Variants in ANO3 observed in about 807,000 individuals in gnomAD.
The protein encoded by ANO3 is anoctamin 3, also known as anoctamin-3.
Under a neutral mutation model 144.8 loss-of-function variants are expected in ANO3, and 99 were observed. That is an observed-to-expected ratio of 0.68 (90% CI 0.58 to 0.81). The LOEUF is 0.81. Ranked by LOEUF, ANO3 falls within the 30% of genes least tolerant of loss-of-function variation. The pLI, the probability that ANO3 is intolerant of heterozygous loss-of-function variation, is 0.00. For synonymous variants in ANO3, 414 were observed against 392.6 expected, an observed-to-expected ratio of 1.05 and a Z score of -0.64; for missense variants, 905 against 1,202.2, an observed-to-expected ratio of 0.75 and a Z score of 3.66.
chr11:26,218,745 T>C (rs567888138), intron 1 of ANO3, among the ~76,000 whole-genome samples: 8 of 152,310 alleles, frequency 5.3e-5, no homozygotes, highest in Non-Finnish European at 1.0e-4. Context: ...TTGGTTTGTT[T>C]TTTGTTTTTT....
intron 17 of ANO3, among the ~76,000 whole-genome samples, chr11:26,608,154 T>C (rs1329393619): frequency 6.6e-6 from 1 of 152,188 alleles, no homozygotes; most frequent in African/African-American, 2.4e-5. Flanking sequence ...ACTGTCGTTC[T>C]TGCTTTCTGT....
chr11:26,233,493 G>A (rs1261738346), intron 1 of ANO3, among the ~76,000 whole-genome samples: 1 of 152,178 alleles, frequency 6.6e-6, no homozygotes, highest in Non-Finnish European at 1.5e-5. Flanking sequence ...CACTGTTGAT[G>A]TGAGTGTAAA....
intron 6 of ANO3, among the ~76,000 whole-genome samples, chr11:26,524,498 A>G (rs1849114392): frequency 6.6e-6 from 1 of 152,200 alleles, no homozygotes; most frequent in Non-Finnish European, 1.5e-5. Context: ...CAGTTGTCCT[A>G]TTAACCCTGC....
At chr11:26,425,619 TTAAG>T (rs1857896987) in intron 1 of ANO3, among the ~76,000 whole-genome samples, 1 of 152,116 alleles carries the variant, frequency 6.6e-6, no homozygotes, top group South Asian at 2.1e-4. Context: ...AAAAGTGAAA[TTAAG>T]TAACTGCAAA....
chr11:26,502,226 A>G (rs766715229), intron 4 of ANO3, among the ~76,000 whole-genome samples: 2 of 152,142 alleles, frequency 1.3e-5, no homozygotes, highest in Non-Finnish European at 2.9e-5. Flanking sequence ...ATATAGTTTT[A>G]CCTGATTTTT....
intron 1 of ANO3, among the ~76,000 whole-genome samples, chr11:26,345,753 G>T (rs1180037776): frequency 6.6e-6 from 1 of 152,140 alleles, no homozygotes; most frequent in Non-Finnish European, 1.5e-5. Context: ...AAAGCCATGG[G>T]AGAATTTGTA....
chr11:26,397,898 G>A (rs1460678166), intron 1 of ANO3, among the ~76,000 whole-genome samples: 3 of 150,770 alleles, frequency 2.0e-5, no homozygotes, highest in Non-Finnish European at 2.9e-5. Flanking sequence ...AATCTCTTGT[G>A]GAGTGTGACA....
At chr11:26,597,876 G>A (rs748895401) in intron 14 of ANO3, among the ~76,000 whole-genome samples, 6 of 152,138 alleles carry the variant, frequency 3.9e-5, no homozygotes, top group Non-Finnish European at 7.4e-5. Flanking sequence ...AGTCCACCCA[G>A]AATATGAATT....
intron 1 of ANO3, among the ~76,000 whole-genome samples, chr11:26,302,865 A>C (rs1854269339): frequency 6.6e-6 from 1 of 152,190 alleles, no homozygotes; most frequent in Non-Finnish European, 1.5e-5. Flanking sequence ...CAAGCAAAAA[A>C]CAAATAACCC....
At chr11:26,209,505 A>G (rs1851887322) in intron 1 of ANO3, among the ~76,000 whole-genome samples, 1 of 152,212 alleles carries the variant, frequency 6.6e-6, no homozygotes, top group Admixed American at 6.5e-5. Flanking sequence ...TTGGGTATAT[A>G]CCCAGTAATG....
At chr11:26,326,802 T>C (rs372109777) in intron 1 of ANO3, among the ~76,000 whole-genome samples, 42 of 152,278 alleles carry the variant, frequency 2.8e-4, no homozygotes, top group African/African-American at 9.9e-4. Flanking sequence ...AAGTAACTAG[T>C]ACAATCACAC....
chr11:26,416,994 C>G (rs1483563675), intron 1 of ANO3, among the ~76,000 whole-genome samples: 1 of 151,988 alleles, frequency 6.6e-6, no homozygotes, highest in Non-Finnish European at 1.5e-5. Flanking sequence ...GCATAGGAAA[C>G]AAATGTAGCA....
intron 14 of ANO3, among the ~76,000 whole-genome samples, chr11:26,571,504 A>G (rs1237865659): frequency 1.3e-5 from 2 of 152,140 alleles, no homozygotes; most frequent in Non-Finnish European, 2.9e-5. Flanking sequence ...ACAGTTTCCC[A>G]ACTTTTTAAT....
intron 1 of ANO3, among the ~76,000 whole-genome samples, chr11:26,375,992 A>AT (rs1856395534): frequency 6.6e-6 from 1 of 152,214 alleles, no homozygotes; most frequent in African/African-American, 2.4e-5. Context: ...AATATACACA[A>AT]TCATATTCCC....
At chr11:26,553,003 C>CAGAAGTGTAAAAATGGCCTGTTATCATT (rs1554968941) in intron 12 of ANO3, among the ~76,000 whole-genome samples, 1 of 151,596 alleles carries the variant, frequency 6.6e-6, no homozygotes, top group Non-Finnish European at 1.5e-5. Context: ...CCATTTATCA[C>CAGAAGTGTAAAAATGGCCTGTTATCATT]ACAATTATCT....
chr11:26,490,739 C>T (rs1321440080), intron 4 of ANO3, among the ~76,000 whole-genome samples: 1 of 152,228 alleles, frequency 6.6e-6, no homozygotes, highest in East Asian at 1.9e-4. Context: ...AACTGATCCT[C>T]TCCCCAAACC....
At chr11:26,615,414 A>ATATATATATATTT (rs1352935016) in intron 17 of ANO3, among the ~76,000 whole-genome samples, 67 of 130,664 alleles carry the variant, frequency 5.1e-4, no homozygotes, top group African/African-American at 9.5e-4. Flanking sequence ...ATATATATAT[A>ATATATATATATTT]TTTTTTTTTT....
chr11:26,423,586 G>A (rs1331021880), intron 1 of ANO3, among the ~76,000 whole-genome samples: 1 of 151,808 alleles, frequency 6.6e-6, no homozygotes, highest in Non-Finnish European at 1.5e-5. Context: ...AAGAAATACA[G>A]TTTGGTGATG....
At chr11:26,521,424 CCTT>C (rs1334771647) in intron 6 of ANO3, among the ~76,000 whole-genome samples, 4 of 152,104 alleles carry the variant, frequency 2.6e-5, no homozygotes, top group African/African-American at 4.8e-5. Flanking sequence ...TTTTCTTCCT[CCTT>C]CTGTCATAAA....
Sources: gnomAD v4.1 joint callset for allele counts (sites outside exome capture counted in the v4.1 genomes callset) on GRCh38, gnomAD v4.1.1 for gene constraint, MANE v1.5 for transcripts, NCBI Gene and HGNC (gene_info 2026-07-23, HGNC 2026-07-21) for gene names.